The following CCDC178 variants were observed in gnomAD, a reference collection of about 807,000 sequenced individuals.
CCDC178 encodes the protein coiled-coil domain containing 178, also known as coiled-coil domain-containing protein 178.
Under a neutral mutation model 117.4 loss-of-function variants are expected in CCDC178, and 126 were observed. The ratio of observed to expected loss-of-function variants is 1.07; its 90% CI spans 0.93 to 1.24. CCDC178 has a LOEUF of 1.24. Ranked by LOEUF, CCDC178 falls within the 50% of genes most tolerant of loss-of-function variation. The probability of loss-of-function intolerance (pLI) is 0.00; values close to 1 mark genes in which losing one functional copy is unlikely to be tolerated. For synonymous variants in CCDC178, 283 were observed against 313.4 expected (o/e 0.90, Z 1.02); for missense variants, 1,030 against 986.9 (o/e 1.04, Z -0.59).
chr18:33,375,281 T>C (rs1041026769), intron 5 of CCDC178, among the ~76,000 whole-genome samples: 1 of 152,202 alleles, frequency 6.6e-6, no homozygotes, highest in Non-Finnish European at 1.5e-5. Context: ...TGTTCACCTA[T>C]TTTTTCTCAT....
intron 9 of CCDC178, among the ~76,000 whole-genome samples, chr18:33,339,185 TA>T (rs1169351002): frequency 6.6e-6 from 1 of 151,942 alleles, no homozygotes; most frequent in African/African-American, 2.4e-5. Context: ...ATCTAATTTA[TA>T]AAAAGAGAAA....
intron 3 of CCDC178, among the ~76,000 whole-genome samples, chr18:33,408,783 T>C (rs1399091539): frequency 2.0e-5 from 3 of 152,136 alleles, no homozygotes; most frequent in African/African-American, 7.2e-5. Flanking sequence ...CCTTAATAAA[T>C]AAACGCACTA....
At chr18:33,164,341 C>T (rs1297594158) in intron 20 of CCDC178, among the ~76,000 whole-genome samples, 9 of 151,682 alleles carry the variant, frequency 5.9e-5, no homozygotes, top group Non-Finnish European at 1.3e-4. Flanking sequence ...TCAGGTGATC[C>T]GACCTCAGGT....
chr18:33,154,521 A>C (rs2058373034), intron 20 of CCDC178, among the ~76,000 whole-genome samples: 1 of 152,188 alleles, frequency 6.6e-6, no homozygotes, highest in Non-Finnish European at 1.5e-5. Context: ...AGTAGAGAAC[A>C]ACAATATAAA....
intron 20 of CCDC178, among the ~76,000 whole-genome samples, chr18:33,097,469 T>A (rs2057560142): frequency 6.6e-6 from 1 of 152,112 alleles, no homozygotes; most frequent in Non-Finnish European, 1.5e-5. Flanking sequence ...ATAAGCATAG[T>A]CATTTTACAC....
At chr18:33,406,371 C>T (rs934139314) in intron 3 of CCDC178, among the ~76,000 whole-genome samples, 1 of 151,974 alleles carries the variant, frequency 6.6e-6, no homozygotes, top group Non-Finnish European at 1.5e-5. Flanking sequence ...ATCTTTATAT[C>T]TGACAACATA....
chr18:33,349,042 T>C, intron 7 of CCDC178, 67 bp from the exon 8 acceptor site: 2 of 908,508 alleles, frequency 2.2e-6, no homozygotes, highest in South Asian at 1.6e-5. Flanking sequence ...TTTTAGGTTA[T>C]GCTCTTCTAT....
At chr18:33,339,971 G>A (rs2144655144) in intron 9 of CCDC178, among the ~76,000 whole-genome samples, 1 of 152,226 alleles carries the variant, frequency 6.6e-6, no homozygotes, top group East Asian at 1.9e-4. Flanking sequence ...ACCCCAAAAT[G>A]TGGAAGTGAC....
intron 21 of CCDC178, among the ~76,000 whole-genome samples, chr18:33,078,948 CA>C (rs754858439): frequency 1.3e-5 from 2 of 151,888 alleles, no homozygotes; most frequent in African/African-American, 4.8e-5. Flanking sequence ...TAATATGAAA[CA>C]AAAAAGCCTG....
At chr18:33,020,206 A>G (rs569505511) in intron 21 of CCDC178, among the ~76,000 whole-genome samples, 1 of 148,918 alleles carries the variant, frequency 6.7e-6, no homozygotes, top group African/African-American at 2.5e-5. Flanking sequence ...TCAGCCTCCC[A>G]AAGTGCTGGG....
chr18:33,085,356 G>T (rs979936562), intron 21 of CCDC178, among the ~76,000 whole-genome samples: 23 of 152,262 alleles, frequency 1.5e-4, no homozygotes, highest in African/African-American at 4.8e-4. Flanking sequence ...GAGGTCAGGG[G>T]ATCGAGACCA....
At chr18:32,982,021 A>T (rs936258162) in intron 21 of CCDC178, among the ~76,000 whole-genome samples, 1 of 152,174 alleles carries the variant, frequency 6.6e-6, no homozygotes, top group South Asian at 2.1e-4. Context: ...GTCAGCTTAT[A>T]CACGTGTCAT....
chr18:32,955,263 T>A (rs1168158029), intron 22 of CCDC178, among the ~76,000 whole-genome samples: 1 of 152,196 alleles, frequency 6.6e-6, no homozygotes, highest in Non-Finnish European at 1.5e-5. Context: ...CACACAACCA[T>A]CTGCAAGATT....
At chr18:32,942,786 C>G (rs2054269032) in intron 22 of CCDC178, among the ~76,000 whole-genome samples, 1 of 152,058 alleles carries the variant, frequency 6.6e-6, no homozygotes, top group African/African-American at 2.4e-5. Context: ...TGCACTCTTG[C>G]AAAGTTAAGT....
At chr18:33,344,896 A>C (rs2062869488) in intron 9 of CCDC178, among the ~76,000 whole-genome samples, 1 of 151,538 alleles carries the variant, frequency 6.6e-6, no homozygotes, top group Admixed American at 6.6e-5. Flanking sequence ...TTAGTGGAGC[A>C]TACACAGTAC....
At chr18:33,125,335 G>A (rs2057991026) in intron 20 of CCDC178, among the ~76,000 whole-genome samples, 1 of 152,096 alleles carries the variant, frequency 6.6e-6, no homozygotes, top group Non-Finnish European at 1.5e-5. Flanking sequence ...AGAAAAAAGT[G>A]TAATCTCTAG....
intron 21 of CCDC178, among the ~76,000 whole-genome samples, chr18:32,988,735 A>G (rs984913127): frequency 3.9e-5 from 6 of 152,048 alleles, no homozygotes; most frequent in African/African-American, 1.4e-4. Context: ...AAACTTCCAC[A>G]AGGATTAACA....
At chr18:33,121,758 C>G (rs750910499) in intron 20 of CCDC178, among the ~76,000 whole-genome samples, 2 of 152,078 alleles carry the variant, frequency 1.3e-5, no homozygotes, top group Non-Finnish European at 2.9e-5. Flanking sequence ...ATTTCAGGAA[C>G]CTTCACTGCA....
chr18:33,149,926 T>TA (rs2058320957), intron 20 of CCDC178, among the ~76,000 whole-genome samples: 1 of 152,066 alleles, frequency 6.6e-6, no homozygotes, highest in African/African-American at 2.4e-5. Context: ...ATAGCCTACA[T>TA]AGCCAAAGCA....
Sources: gnomAD v4.1 joint callset for allele counts (sites outside exome capture counted in the v4.1 genomes callset) on GRCh38, gnomAD v4.1.1 for gene constraint, MANE v1.5 for transcripts, NCBI Gene and HGNC (gene_info 2026-07-23, HGNC 2026-07-21) for gene names.